STX8: variants seen among roughly 807,000 people sequenced by gnomAD.
STX8 encodes the protein syntaxin-8.
A neutral mutation model predicts 37.5 loss-of-function variants in STX8; 23 were observed. The observed-to-expected ratio is 0.61, with a 90% CI of 0.44 to 0.87. STX8 has a LOEUF of 0.87. Among genes scored for constraint, STX8 ranks in the 40% least tolerant of loss-of-function variants. The pLI, the probability that STX8 is intolerant of heterozygous loss-of-function variation, is 0.00. For missense variants in STX8, 313 were observed against 284.7 expected (o/e 1.10, Z -0.71); for synonymous variants, 115 against 99.1 (o/e 1.16, Z -0.95).
At chr17:9,444,650 C>T (rs565104133) in intron 6 of STX8, among the ~76,000 whole-genome samples, 1 of 152,174 alleles carries the variant, frequency 6.6e-6, no homozygotes, top group Non-Finnish European at 1.5e-5. Context: ...AGCACATCAT[C>T]TTTACTAAAG....
intron 7 of STX8, among the ~76,000 whole-genome samples, chr17:9,307,784 C>T (rs1266091650): frequency 1.3e-5 from 2 of 152,126 alleles, no homozygotes; most frequent in Non-Finnish European, 2.9e-5. Flanking sequence ...TCCCATCCTC[C>T]TGTTTCCTGC....
At chr17:9,430,040 G>GAATATATATATTCTATAT (rs1235689465) in intron 6 of STX8, among the ~76,000 whole-genome samples, 226 of 11,904 alleles carry the variant, frequency 0.019, 38 homozygotes, top group African/African-American at 0.1. Flanking sequence ...ATATTCTATA[G>GAATATATATATTCTATAT]AATATATATA....
chr17:9,482,036 G>A (rs1257058403), intron 6 of STX8, among the ~76,000 whole-genome samples: 1 of 152,124 alleles, frequency 6.6e-6, no homozygotes, highest in African/African-American at 2.4e-5. Flanking sequence ...GCCAGGCGTG[G>A]TGGGACATGC....
intron 7 of STX8, among the ~76,000 whole-genome samples, chr17:9,333,596 A>G (rs781721553): frequency 3.5e-4 from 54 of 152,228 alleles, no homozygotes; most frequent in Non-Finnish European, 6.6e-4. Context: ...TCACTGTGTT[A>G]GCCAGGATGG....
At chr17:9,552,848 G>C (rs1906824142) in intron 3 of STX8, 2 of 151,852 alleles carry the variant, frequency 1.3e-5, no homozygotes, top group Non-Finnish European at 2.9e-5. Flanking sequence ...TAGAGACGGG[G>C]TTTCACCATG....
At chr17:9,277,593 A>G (rs898467649) in intron 7 of STX8, among the ~76,000 whole-genome samples, 3 of 152,188 alleles carry the variant, frequency 2.0e-5, no homozygotes, top group Admixed American at 6.5e-5. Flanking sequence ...GGAGTCAGAC[A>G]TTCAAACAAC....
intron 7 of STX8, among the ~76,000 whole-genome samples, chr17:9,283,787 C>A (rs1417621591): frequency 6.6e-6 from 1 of 152,106 alleles, no homozygotes; most frequent in Non-Finnish European, 1.5e-5. Context: ...CTTTTCATTT[C>A]TGGAATTATT....
At chr17:9,403,237 A>G (rs766423921) in intron 6 of STX8, among the ~76,000 whole-genome samples, 1 of 152,214 alleles carries the variant, frequency 6.6e-6, no homozygotes, top group Non-Finnish European at 1.5e-5. Context: ...ATTCTATCAC[A>G]GGTATGGGGG....
At chr17:9,313,603 C>G (rs1476036931) in intron 7 of STX8, among the ~76,000 whole-genome samples, 1 of 152,204 alleles carries the variant, frequency 6.6e-6, no homozygotes, top group Non-Finnish European at 1.5e-5. Flanking sequence ...CTGTGCACAG[C>G]TAACACCCTG....
chr17:9,524,329 A>C (rs2142530414), intron 4 of STX8, among the ~76,000 whole-genome samples: 1 of 152,344 alleles, frequency 6.6e-6, no homozygotes, highest in Non-Finnish European at 1.5e-5. Flanking sequence ...TCTGGAGGCC[A>C]GGAAGTCCAA....
rs151183260 is a variant in STX8 at position 9,560,285 on chromosome 17, T to A, written c.118-2757A>T. On this transcript the variant is annotated intron_variant, in intron 2 of 7. Coordinates refer to ENST00000306357, the MANE Select transcript of STX8 (RefSeq NM_004853.3). ...TGGTGGTGCGCACCTGTAATCTCAG[T>A]TACTGGGGAGGCTGAGGCAGGAGAA... Among the ~76,000 whole-genome samples, 1,361 of 149,638 alleles carry A rather than the reference T, an allele frequency of 9.1e-3. 23 individuals are homozygous for A. Among genetic ancestry groups the A allele is most frequent in the African/African-American group, 0.032 (1,291 of 40,878 alleles).
At chr17:9,545,615 C>G (rs1355107185) in intron 3 of STX8, among the ~76,000 whole-genome samples, 2 of 152,214 alleles carry the variant, frequency 1.3e-5, no homozygotes, top group African/African-American at 2.4e-5. Flanking sequence ...GAGTCTCGCT[C>G]TGTCGCCCAG....
intron 6 of STX8, among the ~76,000 whole-genome samples, chr17:9,455,242 G>C (rs1393222479): frequency 6.6e-6 from 1 of 151,326 alleles, no homozygotes; most frequent in Admixed American, 6.6e-5. Context: ...GCTCACGCCT[G>C]TAATCCTAGC....
chr17:9,341,688 C>T (rs1434457776), intron 7 of STX8, among the ~76,000 whole-genome samples: 1 of 152,118 alleles, frequency 6.6e-6, no homozygotes, highest in Non-Finnish European at 1.5e-5. Context: ...CTGCCGGCTT[C>T]GGCCTCCTAA....
chr17:9,503,750 A>G (rs1467949097), intron 5 of STX8, among the ~76,000 whole-genome samples: 1 of 152,102 alleles, frequency 6.6e-6, no homozygotes, highest in African/African-American at 2.4e-5. Flanking sequence ...TCCATAACAC[A>G]TACTAAGTGG....
At chr17:9,263,165 C>T (rs553928147) in intron 7 of STX8, among the ~76,000 whole-genome samples, 2 of 152,072 alleles carry the variant, frequency 1.3e-5, no homozygotes, top group South Asian at 4.2e-4. Flanking sequence ...AGAGTGAGAT[C>T]CTGTCTCTAA....
intron 6 of STX8, among the ~76,000 whole-genome samples, chr17:9,471,058 A>G: frequency 3.2e-5 from 1 of 31,308 alleles, no homozygotes; most frequent in Admixed American, 3.8e-4. Flanking sequence ...TTTTTTTGAC[A>G]GAGTCTTACT....
intron 6 of STX8, among the ~76,000 whole-genome samples, chr17:9,385,516 T>C (rs940370820): frequency 2.6e-5 from 4 of 152,198 alleles, no homozygotes; most frequent in Non-Finnish European, 5.9e-5. Context: ...AACAGATGTT[T>C]TACAGAAGAA....
chr17:9,358,661 A>T (rs1444830814), intron 7 of STX8, among the ~76,000 whole-genome samples: 1 of 152,216 alleles, frequency 6.6e-6, no homozygotes, highest in Non-Finnish European at 1.5e-5. Context: ...ACACAAAAGA[A>T]ACCGGAGGAT....
Sources: gnomAD v4.1 joint callset for allele counts (sites outside exome capture counted in the v4.1 genomes callset) on GRCh38, gnomAD v4.1.1 for gene constraint, MANE v1.5 for transcripts, NCBI Gene and HGNC (gene_info 2026-07-23, HGNC 2026-07-21) for gene names.